The following MAN1A2 variants were observed in gnomAD, a reference collection of about 807,000 sequenced individuals.
MAN1A2 encodes the protein mannosidase alpha class 1A member 2.
A neutral mutation model predicts 75.7 loss-of-function variants in MAN1A2; 26 were observed. The ratio of observed to expected loss-of-function variants is 0.34; its 90% CI spans 0.25 to 0.48. The LOEUF (loss-of-function observed/expected upper bound fraction) is 0.48. Ranked by LOEUF, MAN1A2 falls within the 20% of genes least tolerant of loss-of-function variation. MAN1A2 has a pLI of 0.99. For missense variants in MAN1A2, 562 were observed against 775.5 expected (o/e 0.72, Z 3.27); for synonymous variants, 247 against 264.6 (o/e 0.93, Z 0.65).
intron 5 of MAN1A2, among the ~76,000 whole-genome samples, chr1:117,435,200 G>A (rs1176598214): frequency 1.3e-5 from 2 of 152,214 alleles, no homozygotes; most frequent in Middle Eastern, 3.4e-3. Flanking sequence ...CAGTTGCTGG[G>A]TAGCTGATAA....
intron 1 of MAN1A2, among the ~76,000 whole-genome samples, chr1:117,392,670 C>T (rs1432791206): frequency 4.7e-5 from 7 of 148,714 alleles, no homozygotes; most frequent in Non-Finnish European, 7.4e-5. Context: ...CTGAAATTAC[C>T]ATAAACGCAA....
intron 9 of MAN1A2, chr1:117,494,791 C>G (rs968167297): frequency 6.6e-6 from 1 of 151,882 alleles, no homozygotes. Flanking sequence ...ATTCTTAGAA[C>G]CATATTGTTG....
rs528903077 is a variant in MAN1A2 at position 117,393,270 on chromosome 1, T to C, written c.303-8916T>C. 2.6e-5 allele frequency among the ~76,000 whole-genome samples: 4 copies of C among 152,314 alleles called. No homozygotes were observed. In the South Asian group the frequency reaches 8.3e-4, roughly 32 times the overall value. ...ATTAACCTCTTGGTTATTTCCAGGT[T>C]TAAGGAGATCTTTTTATTACCTTGA... On this transcript the variant is annotated intron_variant, in intron 1 of 12. Transcript: ENST00000356554.
chr1:117,437,987 C>T (rs996315255), intron 5 of MAN1A2, among the ~76,000 whole-genome samples: 2 of 152,152 alleles, frequency 1.3e-5, no homozygotes, highest in African/African-American at 4.8e-5. Flanking sequence ...AAATTTAAAA[C>T]AAATTGTTGT....
chr1:117,470,155 C>G (rs986106489), intron 8 of MAN1A2, among the ~76,000 whole-genome samples: 1 of 152,124 alleles, frequency 6.6e-6, no homozygotes, highest in Non-Finnish European at 1.5e-5. Context: ...AGTTCTGATA[C>G]ATGCTATAAT....
rs114768238 is a variant in MAN1A2 at position 117,376,207 on chromosome 1, G to A, written c.302+7722G>A. ...TTACAGGCGTGAGCCCACTGCGCCC[G>A]GCCCTAATTTATGTATTTCTAATAT... On this transcript the variant is annotated intron_variant, in intron 1 of 12. Transcript: ENST00000356554. 2.6e-3 allele frequency among the ~76,000 whole-genome samples: 391 copies of A among 152,266 alleles called. 3 individuals are homozygous for A. Among genetic ancestry groups the A allele is most frequent in the African/African-American group, 8.9e-3 (372 of 41,566 alleles).
Position 117,405,571 on chromosome 1 carries a change from A to G in MAN1A2, c.581A>G (p.Asn194Ser). Reference protein sequence around the residue: ...IKEMMKHAWDNYRTYGWGHNE... With the variant: ...IKEMMKHAWDSYRTYGWGHNE... ...CAGATGATGAAACATGCTTGGGATA[A>G]CTATAGGACATATGGGTGGGGACAT... Residue 194 changes from asparagine to serine, a missense_variant, in exon 3 of 13, where the codon AAC becomes AGC. By Grantham distance (46) the Asn-to-Ser change is conservative. Around this residue, in one of 2 missense-constraint regions of MAN1A2, gnomAD observed 434 missense variants for 645.7 expected, o/e 0.67. Coordinates refer to ENST00000356554, the MANE Select transcript of MAN1A2 (RefSeq NM_006699.5). 1 of 1,602,582 alleles carries G rather than the reference A, an allele frequency of 6.2e-7. No homozygotes were observed. The highest frequency in any genetic ancestry group is 2.2e-5 in the East Asian group (1 of 44,712).
chr1:117,484,469 G>A (rs1245122506), intron 8 of MAN1A2, among the ~76,000 whole-genome samples: 1 of 151,848 alleles, frequency 6.6e-6, no homozygotes, highest in Non-Finnish European at 1.5e-5. Flanking sequence ...TGTTTTTGAA[G>A]GTTTACACTA....
rs576600699 is a variant in MAN1A2, at chr1:117,521,053, C to T, written c.1794-1772C>T. On this transcript the variant is annotated intron_variant, in intron 12 of 12. Transcript: ENST00000356554. ...ACTGATCTTCGACAAAGCAAACAAA[C>T]AAAGTGGGGTAAAGACACCCTTTTC... Among the ~76,000 whole-genome samples the T allele has an allele frequency of 3.3e-5, 5 of 151,270 alleles. No homozygotes were observed. The South Asian group carries it at 1.0e-3, about 32-fold the overall frequency.
In MAN1A2 at chr1:117,442,244, A is replaced by G; in HGVS notation, c.869A>G (p.Lys290Arg). ...TTTAAATCTCAGATATTCAAGATTA[A>G]AGCAGTGCAATTGGCTGAGAAACTC... The part of the protein sequence containing the change: ...YLSGEEIFKI[K>R]AVQLAEKLLP... The change falls in exon 6 of 13, where the codon AAA (lysine) becomes AGA (arginine). Residue 290 changes from lysine to arginine, a missense_variant. Around this residue, in one of 2 missense-constraint regions of MAN1A2, gnomAD observed 434 missense variants for 645.7 expected, o/e 0.67. Transcript: ENST00000356554. 1 of 1,599,134 alleles carries G rather than the reference A, an allele frequency of 6.3e-7. No homozygotes were observed. Among genetic ancestry groups the G allele is most frequent in the South Asian group, 1.1e-5 (1 of 90,776 alleles).
rs199617498 is a variant in MAN1A2, at chr1:117,401,525, G to T, written c.303-661G>T. 4.3e-4 allele frequency among the ~76,000 whole-genome samples: 65 copies of T among 152,280 alleles called. No individual in the cohort carries two copies. The East Asian group carries it at 9.7e-3, about 23-fold the overall frequency. On this transcript the variant is annotated intron_variant, in intron 1 of 12. Transcript: ENST00000356554. ...CTCTCTTTCACAAAAGTAGGGCTGG[G>T]TGGAAAACGGTGTAGGTGTCCATTG...
Position 117,526,878 on chromosome 1 carries a change from CTCTATATATATA to C in MAN1A2, c.*3923_*3934del, listed in dbSNP as rs1187543449. 7.7e-4 allele frequency: 47 copies of C among 60,758 alleles called. No homozygotes were observed. Among genetic ancestry groups the C allele is most frequent in the Non-Finnish European group, 1.3e-3 (38 of 28,792 alleles). The allele number at this position is 60,758 out of a possible 1,614,324, so 3.8% of individuals were successfully genotyped here. Reference sequence around the variant, plus strand: ...TCTCTCTCTCTCTCTCTCTCTCTCTCTCTATATATATATATATATATATATATATATGAGAGA... The same window carrying C: ...TCTCTCTCTCTCTCTCTCTCTCTCTCTATATATATATATATATATGAGAGA... On this transcript the variant is annotated 3_prime_UTR_variant, in exon 13 of 13. Coordinates refer to ENST00000356554, the MANE Select transcript of MAN1A2 (RefSeq NM_006699.5).
intron 11 of MAN1A2, among the ~76,000 whole-genome samples, 179 bp from the exon 12 acceptor site, chr1:117,502,676 C>G (rs199925149): frequency 6.6e-6 from 1 of 151,634 alleles, no homozygotes; most frequent in East Asian, 1.9e-4. Context: ...CATCCTGTTT[C>G]TCGTATGAGT....
chr1:117,467,211 AAAAC>A (rs1444782136), intron 8 of MAN1A2, among the ~76,000 whole-genome samples: 1 of 152,208 alleles, frequency 6.6e-6, no homozygotes, highest in Non-Finnish European at 1.5e-5. Context: ...TAGGAAAACA[AAAAC>A]AAATAATAGA....
chr1:117,512,357 A>G (rs1651563244), intron 12 of MAN1A2, among the ~76,000 whole-genome samples: 1 of 152,102 alleles, frequency 6.6e-6, no homozygotes, highest in Non-Finnish European at 1.5e-5. Context: ...ACCTGAGTGT[A>G]CATCAGAATC....
At chr1:117,481,718 A>G (rs1037980288) in intron 8 of MAN1A2, among the ~76,000 whole-genome samples, 5 of 151,974 alleles carry the variant, frequency 3.3e-5, no homozygotes, top group Non-Finnish European at 7.4e-5. Context: ...CATGCTTTTT[A>G]CATAGCAGTG....
intron 7 of MAN1A2, among the ~76,000 whole-genome samples, chr1:117,462,750 C>T (rs910347625): frequency 2.0e-5 from 3 of 152,014 alleles, no homozygotes; most frequent in Admixed American, 6.6e-5. Flanking sequence ...TGTTATGTGC[C>T]GCAGGTGATT....
intron 5 of MAN1A2, among the ~76,000 whole-genome samples, chr1:117,429,780 C>G (rs1210397710): frequency 1.8e-5 from 2 of 108,504 alleles, no homozygotes; most frequent in African/African-American, 7.2e-5. Flanking sequence ...ACCTCCCTCC[C>G]GGACGGGGCG....
In MAN1A2 at chr1:117,526,389, T is replaced by C. The variant is rs1652020593; in HGVS notation, c.*3432T>C. 6.6e-6 allele frequency: 1 copy of C among 151,700 alleles called. No homozygotes were observed. The highest frequency in any genetic ancestry group is 2.4e-5 in the African/African-American group (1 of 41,388). 9.4% of individuals were successfully genotyped at this position (151,700 alleles called of 1,614,324 possible). A position where few individuals can be genotyped will look rare whatever the true frequency, so the allele number is the denominator to read the frequency against. On this transcript the variant is annotated 3_prime_UTR_variant, in exon 13 of 13. Coordinates refer to ENST00000356554, the MANE Select transcript of MAN1A2 (RefSeq NM_006699.5). ...TTCTTAATTTTATATTTCATATAAA[T>C]TAAAGAGGAAAAAGAAAAGGTTTAT... is the stretch of plus-strand genomic sequence containing the variant.
Sources: allele counts gnomAD v4.1 joint callset (sites outside exome capture counted in the v4.1 genomes callset), GRCh38; gene constraint gnomAD v4.1.1; regional missense constraint gnomAD v4.1.1; transcripts MANE v1.5; gene names NCBI Gene and HGNC (gene_info 2026-07-23, HGNC 2026-07-21).